The following PLXNA2 variants were observed in gnomAD, a reference collection of about 807,000 sequenced individuals.
PLXNA2 encodes plexin-A2.
Under a neutral mutation model 193.5 loss-of-function variants are expected in PLXNA2, and 91 were observed. That is an observed-to-expected ratio of 0.47 (90% confidence interval 0.40 to 0.56). PLXNA2 has a LOEUF of 0.56. Among genes scored for constraint, PLXNA2 ranks in the 20% least tolerant of loss-of-function variants. The pLI is 0.00. For synonymous variants in PLXNA2, 997 were observed against 1,027.3 expected, an observed-to-expected ratio of 0.97 and a Z score of 0.56; for missense variants, 1,995 against 2,503.2, an observed-to-expected ratio of 0.80 and a Z score of 4.33.
chr1:208,154,464 G>C (rs1668875904), intron 3 of PLXNA2, among the ~76,000 whole-genome samples: 1 of 152,194 alleles, frequency 6.6e-6, no homozygotes, highest in South Asian at 2.1e-4. Context: ...GTGCTGTTGG[G>C]CCTGGACAGC....
At chr1:208,086,270 G>A (rs1400032892) in intron 9 of PLXNA2, among the ~76,000 whole-genome samples, 1 of 151,996 alleles carries the variant, frequency 6.6e-6, no homozygotes, top group Admixed American at 6.6e-5. Flanking sequence ...GCTTGTGGGA[G>A]GGTAAATAGA....
intron 3 of PLXNA2, among the ~76,000 whole-genome samples, chr1:208,209,729 T>C (rs1038729497): frequency 6.6e-6 from 1 of 151,878 alleles, no homozygotes; most frequent in Non-Finnish European, 1.5e-5. Flanking sequence ...AAGGGAAGAG[T>C]CTGTGATTGC....
intron 20 of PLXNA2, among the ~76,000 whole-genome samples, chr1:208,043,775 T>G (rs974230643): frequency 6.6e-6 from 1 of 152,234 alleles, no homozygotes; most frequent in Non-Finnish European, 1.5e-5. Context: ...TGGCTCCACA[T>G]GTCCTATTTC....
chr1:208,028,193 C>T lies in PLXNA2; in HGVS notation c.5439-34G>A, dbSNP rs752682268. The T allele has an allele frequency of 3.2e-6, 5 of 1,569,750 alleles. No homozygotes were observed. In the African/African-American group the frequency reaches 5.4e-5, roughly 17 times the overall value. ...GACAGGATAGGCGCCTTGGTGGAGGCCTCAGCAAACATTTACCTATAGCTA... is the reference window on the plus strand; with the variant it reads ...GACAGGATAGGCGCCTTGGTGGAGGTCTCAGCAAACATTTACCTATAGCTA... On this transcript the variant is annotated intron_variant, in intron 30 of 31. Coordinates refer to ENST00000367033, the MANE Select transcript of PLXNA2 (RefSeq NM_025179.4). This position sits in a 1 kb window ranked among gnomAD's most constrained non-coding sequence, Gnocchi z 4.2.
At chr1:208,095,700 A>G (rs1264259689) in intron 8 of PLXNA2, among the ~76,000 whole-genome samples, 6 of 152,054 alleles carry the variant, frequency 3.9e-5, no homozygotes, top group Admixed American at 3.3e-4. Flanking sequence ...CTACCTTCAA[A>G]GTCACCACCA....
At chr1:208,212,686 T>C (rs149512491) in intron 2 of PLXNA2, among the ~76,000 whole-genome samples, 3 of 152,310 alleles carry the variant, frequency 2.0e-5, no homozygotes, top group Non-Finnish European at 4.4e-5. Flanking sequence ...ATAGAGCCAG[T>C]TATTTAATAT....
chr1:208,235,357 T>A (rs565815996), intron 1 of PLXNA2, among the ~76,000 whole-genome samples: 55 of 152,354 alleles, frequency 3.6e-4, no homozygotes, highest in African/African-American at 1.3e-3. Context: ...ATAACCCTAG[T>A]TTCGCTTCTT....
At chr1:208,142,029 T>G (rs770289228) in intron 4 of PLXNA2, among the ~76,000 whole-genome samples, 1 of 152,234 alleles carries the variant, frequency 6.6e-6, no homozygotes, top group Non-Finnish European at 1.5e-5. Context: ...CTGAGAGCAG[T>G]AAATCTACCT....
rs141083071 is a variant in PLXNA2 at position 208,026,450 on chromosome 1, G to C, written c.*793C>G. 1 of 152,360 alleles carries C rather than the reference G, an allele frequency of 6.6e-6. No individual in the cohort carries two copies. Among genetic ancestry groups the C allele is most frequent in the Non-Finnish European group, 1.5e-5 (1 of 68,044 alleles). The allele number at this position is 152,360 out of a possible 1,614,324, so 9.4% of individuals were successfully genotyped here. ...TCTAGGTACACATCTCCTCTCAAAAGATGAGAATATACAGGTGTGTGGTAG... is the reference window on the plus strand; with the variant it reads ...TCTAGGTACACATCTCCTCTCAAAACATGAGAATATACAGGTGTGTGGTAG... On this transcript the variant is annotated 3_prime_UTR_variant, in exon 32 of 32. Coordinates refer to ENST00000367033, the MANE Select transcript of PLXNA2 (RefSeq NM_025179.4).
chr1:208,227,259 T>C (rs1671540483), intron 1 of PLXNA2, among the ~76,000 whole-genome samples: 1 of 152,192 alleles, frequency 6.6e-6, no homozygotes, highest in Non-Finnish European at 1.5e-5. Context: ...GAGTAGCTAC[T>C]ATTATTATTA....
intron 4 of PLXNA2, among the ~76,000 whole-genome samples, chr1:208,112,719 G>A (rs1667520211): frequency 6.6e-6 from 1 of 152,132 alleles, no homozygotes; most frequent in Non-Finnish European, 1.5e-5. Flanking sequence ...TGCATGAAGA[G>A]CCATCCAGCC....
At chr1:208,180,857 G>A (rs1669820225) in intron 3 of PLXNA2, among the ~76,000 whole-genome samples, 1 of 152,230 alleles carries the variant, frequency 6.6e-6, no homozygotes, top group Admixed American at 6.5e-5. Context: ...ACTGTGATGA[G>A]GGAAATGGGG....
At chr1:208,111,808 A>G (rs752602427) in intron 4 of PLXNA2, among the ~76,000 whole-genome samples, 62 of 152,150 alleles carry the variant, frequency 4.1e-4, no homozygotes, top group Non-Finnish European at 7.9e-4. Context: ...GTAAATACCA[A>G]CCCAGCCTCC....
chr1:208,027,987 C>T, intron 31 of PLXNA2, 22 bp downstream of exon 31: 1 of 1,530,888 alleles, frequency 6.5e-7, no homozygotes, highest in Non-Finnish European at 8.8e-7. Context: ...TGGTTTCTGT[C>T]CCTGCTGGGG....
chr1:208,029,202 C>A, intron 29 of PLXNA2, 160 bp from the exon 30 acceptor site: 11 of 1,439,992 alleles, frequency 7.6e-6, no homozygotes, highest in Non-Finnish European at 1.0e-5. Context: ...TTAGCCAAAG[C>A]TGTTACTGAC....
At chr1:208,194,460 C>CAAAA (rs10522096) in intron 3 of PLXNA2, among the ~76,000 whole-genome samples, 69 of 93,858 alleles carry the variant, frequency 7.4e-4, no homozygotes, top group African/African-American at 1.1e-3. Flanking sequence ...CAGCTTACTG[C>CAAAA]AAAAAAAAAA....
intron 12 of PLXNA2, among the ~76,000 whole-genome samples, chr1:208,070,215 C>T (rs1202622998): frequency 2.6e-5 from 4 of 152,102 alleles, no homozygotes; most frequent in Non-Finnish European, 5.9e-5. Context: ...TTAAGATGTA[C>T]AGATCAAGAA....
At chr1:208,139,060 T>A (rs758609288) in intron 4 of PLXNA2, among the ~76,000 whole-genome samples, 3 of 152,270 alleles carry the variant, frequency 2.0e-5, no homozygotes, top group African/African-American at 7.2e-5. Context: ...AAATAAAAAA[T>A]TTTAAAATTA....
chr1:208,103,135 C>G lies in PLXNA2; in HGVS notation c.1607+12G>C. The G allele has an allele frequency of 6.2e-7, 1 of 1,603,666 alleles. No individual in the cohort carries two copies. The highest frequency in any genetic ancestry group is 8.5e-7 in the Non-Finnish European group (1 of 1,170,702). ...GCATGCCAAACCCTTTTCCAGTATA[C>G]CCCAAACTTACATGTTGTGCAGGGC... On this transcript the variant is annotated intron_variant, in intron 5 of 31. Coordinates refer to ENST00000367033, the MANE Select transcript of PLXNA2 (RefSeq NM_025179.4).
Sources: allele counts gnomAD v4.1 joint callset (sites outside exome capture counted in the v4.1 genomes callset), GRCh38; gene constraint gnomAD v4.1.1; non-coding constraint Gnocchi (gnomAD v3.1); transcripts MANE v1.5; gene names NCBI Gene and HGNC (gene_info 2026-07-23, HGNC 2026-07-21).